Variants in XKR9 observed in about 807,000 individuals in gnomAD.
The protein encoded by XKR9 is XK-related protein 9.
In XKR9, 32 loss-of-function variants were observed where a neutral mutation model predicts 32.0. The observed-to-expected ratio is 1.00, with a 90% CI of 0.76 to 1.34. The LOEUF (loss-of-function observed/expected upper bound fraction) is 1.34, where lower values mean the gene tolerates loss of function less well. Ranked by LOEUF, XKR9 falls within the 40% of genes most tolerant of loss-of-function variation. The pLI, the probability that XKR9 is intolerant of heterozygous loss-of-function variation, is 0.00. For missense variants in XKR9, 546 were observed against 429.7 expected (o/e 1.27, Z -2.39); for synonymous variants, 168 against 143.4 (o/e 1.17, Z -1.22).
At chr8:70,707,683 G>T (rs960194875) in intron 4 of XKR9, among the ~76,000 whole-genome samples, 1 of 151,946 alleles carries the variant, frequency 6.6e-6, no homozygotes, top group Non-Finnish European at 1.5e-5. Context: ...CATGTAAAAA[G>T]TATATCCATT....
intron 3 of XKR9, among the ~76,000 whole-genome samples, chr8:70,685,360 G>A (rs1169035006): frequency 2.1e-5 from 2 of 94,298 alleles, no homozygotes; most frequent in East Asian, 4.8e-4. Context: ...TGGGGGGAGG[G>A]GGGAGGGATA....
chr8:70,794,823 T>TTG (rs56167343), downstream of XKR9, among the ~76,000 whole-genome samples: 3,442 of 147,648 alleles, frequency 0.023, 89 homozygotes, highest in African/African-American at 0.068. Context: ...TAGTCTTCTT[T>TTG]TGTGTGTGTG....
At chr8:70,752,871 G>A (rs893865935) in intron 2 of XKR9, among the ~76,000 whole-genome samples, 2 of 152,060 alleles carry the variant, frequency 1.3e-5, no homozygotes, top group Non-Finnish European at 2.9e-5. Flanking sequence ...AAAAGCAAGA[G>A]CAAACACATT....
the XKR9 span, among the ~76,000 whole-genome samples, chr8:70,976,393 C>T: frequency 6.6e-6 from 1 of 152,272 alleles, no homozygotes; most frequent in East Asian, 1.9e-4. Flanking sequence ...TATATTCCAT[C>T]AATACCTAGT....
chr8:70,911,097 G>A, the XKR9 span, among the ~76,000 whole-genome samples: 1 of 152,208 alleles, frequency 6.6e-6, no homozygotes, highest in Admixed American at 6.5e-5. Context: ...AAGGTCAGCT[G>A]ATTAGTAATC....
At chr8:70,992,733 A>G in the XKR9 span, among the ~76,000 whole-genome samples, 15 of 152,312 alleles carry the variant, frequency 9.8e-5, no homozygotes, top group East Asian at 2.7e-3. Flanking sequence ...TGTTTCACCC[A>G]TGCAGTAGCA....
chr8:70,736,076 A>T (rs1478080581), downstream of XKR9: 1 of 152,208 alleles, frequency 6.6e-6, no homozygotes, highest in Non-Finnish European at 1.5e-5. Context: ...TTACAGTCCC[A>T]GCAACAGTGT....
chr8:70,932,428 G>C, the XKR9 span, among the ~76,000 whole-genome samples: 11 of 152,122 alleles, frequency 7.2e-5, no homozygotes, highest in African/African-American at 2.7e-4. Context: ...GTCTAGGTCA[G>C]AGTTGGCATT....
rs1818610758 is a variant in XKR9, at chr8:70,669,366, C to T, written c.-533C>T. 8 of 475,600 alleles carry T rather than the reference C, an allele frequency of 1.7e-5. No homozygotes were observed. The highest frequency in any genetic ancestry group is 1.5e-4 in the South Asian group (6 of 39,268). 29.5% of individuals were successfully genotyped at this position (475,600 alleles called of 1,614,324 possible). A position where few individuals can be genotyped will look rare whatever the true frequency, so the allele number is the denominator to read the frequency against. The stretch of plus-strand genomic sequence containing the variant: ...AGGTCACGTGACGCCGCGCGGGCTG[C>T]GCGGGCAGTGGTGGGAAGGCTGGCG... On this transcript the variant is annotated 5_prime_UTR_variant, in exon 1 of 5. Coordinates refer to ENST00000408926, the MANE Select transcript of XKR9 (RefSeq NM_001011720.2).
chr8:70,720,176 T>C (rs1806229014), intron 4 of XKR9, among the ~76,000 whole-genome samples: 1 of 152,188 alleles, frequency 6.6e-6, no homozygotes, highest in Admixed American at 6.5e-5. Flanking sequence ...CTGAAGTTGC[T>C]TATCAGCTTA....
At chr8:70,792,019 C>T (rs961636103), downstream of XKR9, among the ~76,000 whole-genome samples, 1 of 151,996 alleles carries the variant, frequency 6.6e-6, no homozygotes, top group African/African-American at 2.4e-5. Context: ...TGTTTCCTAC[C>T]ACACACTTCT....
the XKR9 span, among the ~76,000 whole-genome samples, chr8:71,021,916 A>G: frequency 6.6e-6 from 1 of 152,230 alleles, no homozygotes; most frequent in Non-Finnish European, 1.5e-5. Context: ...CCCAAGGCCA[A>G]TGCCCAGAAT....
intron 2 of XKR9, among the ~76,000 whole-genome samples, chr8:70,767,496 CTTTTTTT>C (rs34400671): frequency 1.0e-5 from 1 of 99,350 alleles, no homozygotes; most frequent in Non-Finnish European, 1.9e-5. Flanking sequence ...TCTTTTCCTT[CTTTTTTT>C]TTTTTTTTTT....
chr8:71,015,164 A>T, the XKR9 span, among the ~76,000 whole-genome samples: 3 of 152,202 alleles, frequency 2.0e-5, no homozygotes, highest in Non-Finnish European at 2.9e-5. Context: ...TTTATATCAT[A>T]CCACTTCAGT....
At chr8:70,922,095 A>G in the XKR9 span, among the ~76,000 whole-genome samples, 1 of 152,186 alleles carries the variant, frequency 6.6e-6, no homozygotes, top group African/African-American at 2.4e-5. Flanking sequence ...CATGGAAACA[A>G]GAGCAGAGTT....
At position 70,724,607 on chromosome 8, in the gene XKR9, C is replaced by T. The variant is rs188881169; in HGVS notation, c.494-9189C>T. On this transcript the variant is annotated intron_variant, in intron 4 of 4. Transcript: ENST00000408926. The stretch of plus-strand genomic sequence containing the variant: ...CTGGGCCTGATAGCACAGTCCCTCA[C>T]GGCTTCCCTTGGCTAGGGGAGGGAG... 9.2e-5 allele frequency among the ~76,000 whole-genome samples: 14 copies of T among 152,214 alleles called. No homozygotes were observed. The East Asian group carries it at 1.9e-3, about 21-fold the overall frequency.
the XKR9 span, among the ~76,000 whole-genome samples, chr8:70,947,682 G>T: frequency 6.6e-6 from 1 of 152,200 alleles, no homozygotes; most frequent in East Asian, 1.9e-4. Context: ...AGGCTCACTT[G>T]TGAACTGTTT....
the XKR9 span, among the ~76,000 whole-genome samples, chr8:70,852,184 G>A: frequency 6.6e-6 from 1 of 152,268 alleles, no homozygotes; most frequent in Non-Finnish European, 1.5e-5. Flanking sequence ...ATGAGAAAAA[G>A]CTCCTCATCA....
intron 2 of XKR9, among the ~76,000 whole-genome samples, chr8:70,771,114 T>G (rs1324505074): frequency 6.6e-6 from 1 of 152,148 alleles, no homozygotes; most frequent in Admixed American, 6.6e-5. Flanking sequence ...CTGGGCTGGA[T>G]AGCACTGTCC....
Sources: gnomAD v4.1 joint callset for allele counts (sites outside exome capture counted in the v4.1 genomes callset) on GRCh38, gnomAD v4.1.1 for gene constraint, MANE v1.5 for transcripts, NCBI Gene and HGNC (gene_info 2026-07-23, HGNC 2026-07-21) for gene names.